MED13: variants seen among roughly 807,000 people sequenced by gnomAD.
MED13 encodes mediator of RNA polymerase II transcription subunit 13.
A neutral mutation model predicts 225.2 loss-of-function variants in MED13; 23 were observed. The ratio of observed to expected loss-of-function variants is 0.10; its 90% CI spans 0.07 to 0.14. MED13 has a LOEUF of 0.14. Among genes scored for constraint, MED13 ranks in the 10% least tolerant of loss-of-function variants. The pLI is 1.00. For synonymous variants in MED13, 942 were observed against 889.2 expected (o/e 1.06, Z -1.06); for missense variants, 2,197 against 2,594.5 (o/e 0.85, Z 3.33).
At chr17:62,021,400 G>C (rs1366964166) in intron 8 of MED13, among the ~76,000 whole-genome samples, 1 of 149,458 alleles carries the variant, frequency 6.7e-6, no homozygotes, top group Non-Finnish European at 1.5e-5. Flanking sequence ...CGGACGGGGC[G>C]GCTGGCCGGG....
At chr17:62,012,291 T>G (rs946991618) in intron 8 of MED13, among the ~76,000 whole-genome samples, 3 of 151,524 alleles carry the variant, frequency 2.0e-5, no homozygotes, top group East Asian at 1.9e-4. Flanking sequence ...CAATGAGAGA[T>G]ATATATACAC....
chr17:61,978,666 G>A (rs2080177991), intron 16 of MED13, among the ~76,000 whole-genome samples: 1 of 151,932 alleles, frequency 6.6e-6, no homozygotes, highest in Non-Finnish European at 1.5e-5. Context: ...TATAGTGCTA[G>A]AGTCATGGTA....
chr17:62,061,639 G>A (rs181313098), intron 2 of MED13, among the ~76,000 whole-genome samples: 7 of 152,196 alleles, frequency 4.6e-5, no homozygotes, highest in Non-Finnish European at 1.0e-4. Context: ...ACCACTTAAC[G>A]ATTAAAATAA....
At chr17:61,955,297 G>T in intron 26 of MED13, 85 bp downstream of exon 26, 1 of 1,149,180 alleles carries the variant, frequency 8.7e-7, no homozygotes, top group Non-Finnish European at 1.2e-6. Context: ...GTAAAACAAG[G>T]TAACATTCAC....
intron 18 of MED13, 36 bp from the exon 19 acceptor site, chr17:61,966,687 T>C: frequency 7.1e-7 from 1 of 1,405,940 alleles, no homozygotes; most frequent in Non-Finnish European, 9.6e-7. Context: ...AATTAGTAAA[T>C]TTATTATTGT....
At chr17:61,956,602 G>T in intron 23 of MED13, 121 bp from the exon 24 acceptor site, 2 of 950,772 alleles carry the variant, frequency 2.1e-6, no homozygotes, top group Admixed American at 2.9e-5. Context: ...GCAGTGGTGC[G>T]ATCTCGGCTC....
chr17:62,010,404 C>A (rs919957386), intron 9 of MED13, 146 bp downstream of exon 9: 6 of 502,890 alleles, frequency 1.2e-5, no homozygotes, highest in African/African-American at 1.0e-4. Context: ...GAGGAAAAAA[C>A]ACAGTAAAGG....
intron 3 of MED13, among the ~76,000 whole-genome samples, chr17:62,050,215 G>A (rs2080943709): frequency 6.6e-6 from 1 of 151,762 alleles, no homozygotes; most frequent in Non-Finnish European, 1.5e-5. Context: ...AAAATTAGCT[G>A]GGTATGATGG....
At chr17:62,012,103 C>T (rs894026862) in intron 8 of MED13, among the ~76,000 whole-genome samples, 1 of 151,638 alleles carries the variant, frequency 6.6e-6, no homozygotes, top group Middle Eastern at 3.4e-3. Flanking sequence ...GTAGTCCCAC[C>T]TACTCGAGAG....
chr17:62,014,309 T>TA (rs1414439341), intron 8 of MED13, among the ~76,000 whole-genome samples: 9,065 of 135,360 alleles, frequency 0.067, 1,080 homozygotes, highest in African/African-American at 0.23. Context: ...TGTATATGTT[T>TA]TTATATATAT....
At chr17:61,988,729 T>A (rs1412113082) in intron 11 of MED13, among the ~76,000 whole-genome samples, 2 of 151,774 alleles carry the variant, frequency 1.3e-5, no homozygotes, top group East Asian at 3.9e-4. Flanking sequence ...GTTTCCGAGT[T>A]TTTTCGTTTT....
chr17:62,010,046 A>AC (rs758792372), intron 9 of MED13, among the ~76,000 whole-genome samples: 8 of 152,020 alleles, frequency 5.3e-5, no homozygotes, highest in Non-Finnish European at 1.2e-4. Flanking sequence ...GCATGGTGAA[A>AC]CCCCATCTCT....
In MED13 at chr17:61,982,810, T is replaced by C; in HGVS notation, c.3193A>G (p.Ile1065Val). ...NSVEPATVPSIPEAHSLYVNL... is the reference protein window; with the variant it reads ...NSVEPATVPSVPEAHSLYVNL... ...ACATAAAGACTGTGTGCTTCAGGGA[T>C]GGAAGGGACAGTTGCAGGTTCAACA... Residue 1065 changes from isoleucine to valine, a missense_variant, in exon 16 of 30, where the codon ATC becomes GTC. Physicochemically the swap from Ile to Val is conservative, Grantham distance 29 (BLOSUM62 3). This residue lies in a region of MED13 where 99 missense variants were observed against 158.5 expected (regional missense o/e 0.62). Coordinates refer to ENST00000397786, the MANE Select transcript of MED13 (RefSeq NM_005121.3). The C allele has an allele frequency of 6.2e-7, 1 of 1,614,172 alleles. No individual in the cohort carries two copies. The highest frequency in any genetic ancestry group is 8.5e-7 in the Non-Finnish European group (1 of 1,180,022).
chr17:62,062,382 G>C (rs1478209842), intron 2 of MED13, among the ~76,000 whole-genome samples: 1 of 152,076 alleles, frequency 6.6e-6, no homozygotes, highest in Non-Finnish European at 1.5e-5. Flanking sequence ...ACATTGATTT[G>C]CTCACAATAA....
chr17:61,978,152 T>A, intron 16 of MED13, among the ~76,000 whole-genome samples: 1 of 117,352 alleles, frequency 8.5e-6, no homozygotes, highest in Non-Finnish European at 1.9e-5. Flanking sequence ...AAAAACTGCC[T>A]TTTTTTTTTT....
intron 8 of MED13, among the ~76,000 whole-genome samples, chr17:62,028,743 G>T (rs924852915): frequency 6.6e-6 from 1 of 151,994 alleles, no homozygotes; most frequent in Non-Finnish European, 1.5e-5. Context: ...TACTTGGGAG[G>T]CTGAGGCAGG....
chr17:62,041,317 A>G (rs896867628), intron 3 of MED13, among the ~76,000 whole-genome samples: 6 of 152,220 alleles, frequency 3.9e-5, no homozygotes, highest in African/African-American at 1.4e-4. Flanking sequence ...CATATGAGGT[A>G]CCTGCAATAG....
chr17:61,963,456 C>T (rs571713034), intron 20 of MED13, among the ~76,000 whole-genome samples: 5 of 151,982 alleles, frequency 3.3e-5, no homozygotes, highest in South Asian at 4.1e-4. Context: ...GACTCTCTCT[C>T]TCTATATATG....
chr17:62,060,816 C>G (rs113422111), intron 2 of MED13, among the ~76,000 whole-genome samples: 8 of 151,990 alleles, frequency 5.3e-5, no homozygotes, highest in African/African-American at 1.7e-4. Flanking sequence ...TCTCCTGCCT[C>G]AGCCTACTGA....
Sources: gnomAD v4.1 joint callset for allele counts (sites outside exome capture counted in the v4.1 genomes callset) on GRCh38, gnomAD v4.1.1 for gene constraint, gnomAD v4.1.1 regional missense constraint, MANE v1.5 for transcripts, NCBI Gene and HGNC (gene_info 2026-07-23, HGNC 2026-07-21) for gene names.